Variants in GK5 observed in about 807,000 individuals in gnomAD.
The protein encoded by GK5 is ATP:glycerol 3-phosphotransferase 5.
Under a neutral mutation model 77.3 loss-of-function variants are expected in GK5, and 39 were observed. That is an observed-to-expected ratio of 0.50 (90% CI 0.39 to 0.66). The LOEUF is 0.66. GK5 is among the 30% of genes least tolerant of loss of function. The pLI, the probability that GK5 is intolerant of heterozygous loss-of-function variation, is 0.00. For synonymous variants in GK5, 211 were observed against 208.0 expected, an observed-to-expected ratio of 1.01 and a Z score of -0.13; for missense variants, 487 against 633.8, an observed-to-expected ratio of 0.77 and a Z score of 2.49.
intron 11 of GK5, among the ~76,000 whole-genome samples, chr3:142,180,645 T>C (rs1265186727): frequency 1.3e-5 from 2 of 150,878 alleles, no homozygotes; most frequent in Admixed American, 6.6e-5. Context: ...TCTTTCCTTC[T>C]CTCTCTCTCT....
chr3:142,224,523 C>G (rs1356111985), intron 1 of GK5, among the ~76,000 whole-genome samples: 1 of 152,214 alleles, frequency 6.6e-6, no homozygotes, highest in Non-Finnish European at 1.5e-5. Flanking sequence ...AGAAGGATAT[C>G]AATTTGTTGG....
At chr3:142,213,376 C>G in intron 3 of GK5, 150 bp downstream of exon 3, 1 of 588,546 alleles carries the variant, frequency 1.7e-6, no homozygotes, top group Non-Finnish European at 3.1e-6. Context: ...AGTGAGCATA[C>G]AAGCCAGAAA....
chr3:142,212,778 T>C (rs1197365227), intron 3 of GK5, among the ~76,000 whole-genome samples: 1 of 152,168 alleles, frequency 6.6e-6, no homozygotes, highest in Non-Finnish European at 1.5e-5. Flanking sequence ...ATTACAATAT[T>C]ATAACTGTGT....
Position 142,160,804 on chromosome 3 carries a change from A to C in GK5, c.*4818T>G, listed in dbSNP as rs1560204693. On this transcript the variant is annotated 3_prime_UTR_variant, in exon 16 of 16. Transcript: ENST00000392993. ...CACAATCATAGCTCATAGCACCCTC[A>C]AACTCCTGTGTTCAAGCGATTCTCC... The C allele has an allele frequency of 1.3e-5, 2 of 151,388 alleles. No homozygotes were observed. Among genetic ancestry groups the C allele is most frequent in the Non-Finnish European group, 1.5e-5 (1 of 67,854 alleles). The allele number at this position is 151,388 out of a possible 1,614,324, so 9.4% of individuals were successfully genotyped here.
At chr3:142,200,188 C>CA (rs985002201) in intron 4 of GK5, among the ~76,000 whole-genome samples, 15 of 152,132 alleles carry the variant, frequency 9.9e-5, no homozygotes, top group African/African-American at 3.6e-4. Flanking sequence ...CTCTGTTCCC[C>CA]AGGCTTACAT....
At chr3:142,193,039 T>C (rs1271263244) in intron 5 of GK5, among the ~76,000 whole-genome samples, 1 of 152,148 alleles carries the variant, frequency 6.6e-6, no homozygotes, top group Non-Finnish European at 1.5e-5. Context: ...ACAGGGGATT[T>C]TTCAGGACAG....
chr3:142,174,371 G>T (rs1577108825), intron 12 of GK5, among the ~76,000 whole-genome samples: 1 of 152,008 alleles, frequency 6.6e-6, no homozygotes, highest in Non-Finnish European at 1.5e-5. Flanking sequence ...TAGTAAAAAC[G>T]TATATAGTAA....
At chr3:142,170,492 A>G in intron 14 of GK5, 34 bp from the exon 15 acceptor site, 1 of 1,550,136 alleles carries the variant, frequency 6.5e-7, no homozygotes, top group Non-Finnish European at 8.8e-7. Context: ...ATGAATTACT[A>G]CAACAAAAGT....
rs748129972 is a variant in GK5, at chr3:142,159,853, C to CTTTT, written c.*5765_*5768dup. ...TTTCTCTCTCTCTCTCTCTCTCTCT[C>CTTTT]TTTTTTTTTTTTGAGACAGAGTCTC... On this transcript the variant is annotated 3_prime_UTR_variant, in exon 16 of 16. Coordinates refer to ENST00000392993, the MANE Select transcript of GK5 (RefSeq NM_001039547.3). The CTTTT allele has an allele frequency of 9.4e-5, 10 of 106,120 alleles. No homozygotes were observed. Among genetic ancestry groups the CTTTT allele is most frequent in the Non-Finnish European group, 1.3e-4 (7 of 53,066 alleles). 6.6% of individuals were successfully genotyped at this position (106,120 alleles called of 1,614,324 possible).
chr3:142,215,572 T>C (rs2064263491), intron 2 of GK5, 27 bp downstream of exon 2: 4 of 1,220,910 alleles, frequency 3.3e-6, no homozygotes, highest in Non-Finnish European at 4.7e-6. Context: ...CCATAAAGAT[T>C]ATTGTTATTT....
chr3:142,178,185 G>A (rs2063646703), intron 11 of GK5, among the ~76,000 whole-genome samples: 3 of 152,058 alleles, frequency 2.0e-5, no homozygotes. Flanking sequence ...TATTTGGGCT[G>A]TTTAAAAAAT....
intron 5 of GK5, among the ~76,000 whole-genome samples, chr3:142,194,573 T>C (rs1044595619): frequency 6.9e-4 from 104 of 151,478 alleles, no homozygotes; most frequent in Non-Finnish European, 1.3e-3. Context: ...GCGCCTGTAG[T>C]CCCAGCTACT....
rs1006477435 is a variant in GK5 at position 142,218,349 on chromosome 3, G to A, written c.148-2657C>T. 3.4e-5 allele frequency among the ~76,000 whole-genome samples: 5 copies of A among 147,278 alleles called. No homozygotes were observed. In the East Asian group the frequency reaches 7.9e-4, roughly 23 times the overall value. ...GGAGTTCACAACCAGCTTGGGCAAC[G>A]CGGTGAAACTCCGTCTCTACTAAAA... On this transcript the variant is annotated intron_variant, in intron 1 of 15. Coordinates refer to ENST00000392993, the MANE Select transcript of GK5 (RefSeq NM_001039547.3).
At chr3:142,171,192 C>T (rs1269301839) in intron 14 of GK5, among the ~76,000 whole-genome samples, 2 of 152,032 alleles carry the variant, frequency 1.3e-5, no homozygotes, top group African/African-American at 4.8e-5. Context: ...GATCATGCCA[C>T]TGCACTCCAG....
At chr3:142,193,423 C>T (rs947959333) in intron 5 of GK5, among the ~76,000 whole-genome samples, 1 of 148,362 alleles carries the variant, frequency 6.7e-6, no homozygotes, top group Admixed American at 6.8e-5. Context: ...TTTCAAGATT[C>T]TTTTGCTAAT....
At chr3:142,170,847 G>A (rs1458252973) in intron 14 of GK5, among the ~76,000 whole-genome samples, 1 of 152,156 alleles carries the variant, frequency 6.6e-6, no homozygotes, top group African/African-American at 2.4e-5. Context: ...ACATATGGGT[G>A]CCAAGATGCA....
intron 12 of GK5, 99 bp downstream of exon 12, chr3:142,177,383 G>A: frequency 1.4e-6 from 1 of 709,476 alleles, no homozygotes; most frequent in East Asian, 2.5e-5. Flanking sequence ...TCTGTTCAGT[G>A]CTCAAATTTT....
rs1281720917 is a variant in GK5, at chr3:142,159,487, C to T, written c.*6135G>A. 7 of 152,066 alleles carry T rather than the reference C, an allele frequency of 4.6e-5. No individual in the cohort carries two copies. Among genetic ancestry groups the T allele is most frequent in the Admixed American group, 4.6e-4 (7 of 15,264 alleles). The allele number at this position is 152,066 out of a possible 1,614,324, so 9.4% of individuals were successfully genotyped here. On this transcript the variant is annotated 3_prime_UTR_variant, in exon 16 of 16. Coordinates refer to ENST00000392993, the MANE Select transcript of GK5 (RefSeq NM_001039547.3). Reference sequence around the variant, plus strand: ...TTTCAGAAATATCTGATTTTGCAAGCACCTGTTTCTGTCCTTCCCACTCCA... The same window carrying T: ...TTTCAGAAATATCTGATTTTGCAAGTACCTGTTTCTGTCCTTCCCACTCCA...
chr3:142,189,609 G>C (rs2063820904), intron 5 of GK5, among the ~76,000 whole-genome samples: 1 of 152,136 alleles, frequency 6.6e-6, no homozygotes, highest in South Asian at 2.1e-4. Context: ...GCCTCTGATA[G>C]GTGCTAGGCC....
Sources: gnomAD v4.1 joint callset for allele counts (sites outside exome capture counted in the v4.1 genomes callset) on GRCh38, gnomAD v4.1.1 for gene constraint, MANE v1.5 for transcripts, NCBI Gene and HGNC (gene_info 2026-07-23, HGNC 2026-07-21) for gene names.